Variants in ATP9A observed in about 807,000 individuals in gnomAD.
ATP9A encodes the protein ATPase phospholipid transporting 9A, also known as probable phospholipid-transporting ATPase IIA.
Under a neutral mutation model 144.1 loss-of-function variants are expected in ATP9A, and 52 were observed. The observed-to-expected ratio is 0.36, with a 90% CI of 0.29 to 0.45. ATP9A has a LOEUF of 0.45. ATP9A is among the 20% of genes least tolerant of loss of function. The probability of loss-of-function intolerance (pLI) is 1.00; values close to 1 mark genes in which losing one functional copy is unlikely to be tolerated. For missense variants in ATP9A, 947 were observed against 1,392.7 expected, an observed-to-expected ratio of 0.68 and a Z score of 5.09; for synonymous variants, 582 against 557.4, an observed-to-expected ratio of 1.04 and a Z score of -0.62.
intron 10 of ATP9A, among the ~76,000 whole-genome samples, chr20:51,674,699 T>G (rs1196323120): frequency 6.6e-6 from 1 of 152,230 alleles, no homozygotes; most frequent in African/African-American, 2.4e-5. Flanking sequence ...CTTGGCCTTG[T>G]AAAACAACTC....
intron 9 of ATP9A, among the ~76,000 whole-genome samples, chr20:51,688,332 T>C (rs2077532428): frequency 6.6e-6 from 1 of 152,084 alleles, no homozygotes; most frequent in African/African-American, 2.4e-5. Context: ...GTGGCTCACA[T>C]CTGTAATCCC....
At chr20:51,732,723 C>T (rs1398097917) in intron 1 of ATP9A, 1 of 152,118 alleles carries the variant, frequency 6.6e-6, no homozygotes, top group Non-Finnish European at 1.5e-5. Context: ...CTCGCCACTC[C>T]TGTTTCCAAG....
At chr20:51,645,920 G>A (rs1318987957) in intron 14 of ATP9A, among the ~76,000 whole-genome samples, 1 of 152,234 alleles carries the variant, frequency 6.6e-6, no homozygotes, top group African/African-American at 2.4e-5. Flanking sequence ...TCTCACTGCT[G>A]TTAACAGCCT....
At chr20:51,644,306 T>G (rs2077333067) in intron 14 of ATP9A, among the ~76,000 whole-genome samples, 1 of 125,166 alleles carries the variant, frequency 8.0e-6, no homozygotes, top group African/African-American at 3.1e-5. Context: ...GGAGTCTCAC[T>G]CTTTTGCCCA....
chr20:51,675,407 C>T (rs961115927), intron 10 of ATP9A, among the ~76,000 whole-genome samples: 3 of 152,158 alleles, frequency 2.0e-5, no homozygotes, highest in Non-Finnish European at 2.9e-5. Context: ...CGGTTTGAAT[C>T]ACATGGGCCT....
chr20:51,688,280 A>T (rs940021905), intron 9 of ATP9A, among the ~76,000 whole-genome samples: 6 of 152,182 alleles, frequency 3.9e-5, no homozygotes, highest in African/African-American at 1.4e-4. Context: ...AGTCCTGATC[A>T]GTGTCATCCC....
intron 9 of ATP9A, among the ~76,000 whole-genome samples, chr20:51,683,669 G>T (rs1361129169): frequency 6.6e-6 from 1 of 152,024 alleles, no homozygotes; most frequent in Non-Finnish European, 1.5e-5. Flanking sequence ...TCCTGCCTTG[G>T]TCTCCCAAAG....
At chr20:51,678,761 G>A (rs2077487811) in intron 9 of ATP9A, among the ~76,000 whole-genome samples, 1 of 152,222 alleles carries the variant, frequency 6.6e-6, no homozygotes, top group African/African-American at 2.4e-5. Context: ...CCAGTAACAA[G>A]GGGGACCCCA....
At chr20:51,625,397 G>A in intron 17 of ATP9A, 35 bp from the exon 18 acceptor site, 1 of 1,590,230 alleles carries the variant, frequency 6.3e-7, no homozygotes, top group Non-Finnish European at 8.6e-7. Context: ...CACTGCTTAG[G>A]GTGAGGAGAG....
At chr20:51,685,375 A>G (rs2077518653) in intron 9 of ATP9A, among the ~76,000 whole-genome samples, 1 of 152,138 alleles carries the variant, frequency 6.6e-6, no homozygotes, top group South Asian at 2.1e-4. Flanking sequence ...CCTGGACAAC[A>G]TGATGAAACC....
chr20:51,652,541 G>A (rs973427864), intron 14 of ATP9A, among the ~76,000 whole-genome samples: 1 of 152,156 alleles, frequency 6.6e-6, no homozygotes, highest in African/African-American at 2.4e-5. Flanking sequence ...AATCCTACAG[G>A]GACTTGGAAA....
chr20:51,740,924 T>G (rs1199070691), intron 1 of ATP9A, among the ~76,000 whole-genome samples: 1 of 152,066 alleles, frequency 6.6e-6, no homozygotes, highest in Non-Finnish European at 1.5e-5. Flanking sequence ...GCCTGCATTT[T>G]ATCATCCTGT....
chr20:51,752,662 A>G (rs1435467049), intron 1 of ATP9A, among the ~76,000 whole-genome samples: 1 of 152,176 alleles, frequency 6.6e-6, no homozygotes, highest in Non-Finnish European at 1.5e-5. Flanking sequence ...CTGTGGTATC[A>G]CACACAAAAC....
chr20:51,619,216 G>T (rs925273255), intron 19 of ATP9A, among the ~76,000 whole-genome samples, 173 bp from the exon 20 acceptor site: 1 of 152,168 alleles, frequency 6.6e-6, no homozygotes, highest in Non-Finnish European at 1.5e-5. Flanking sequence ...GACTCTGCAG[G>T]AATCAAGAGA....
At chr20:51,636,917 C>T (rs987246388) in intron 15 of ATP9A, among the ~76,000 whole-genome samples, 7 of 152,208 alleles carry the variant, frequency 4.6e-5, no homozygotes, top group Non-Finnish European at 1.0e-4. Flanking sequence ...TGGCAAAACC[C>T]CGTCTCTACT....
chr20:51,726,049 C>A, intron 2 of ATP9A, 117 bp from the exon 3 acceptor site: 1 of 692,956 alleles, frequency 1.4e-6, no homozygotes, highest in Non-Finnish European at 2.5e-6. Context: ...CGTGGTGGTT[C>A]ACGCCTATAA....
chr20:51,723,005 G>A (rs924192300), intron 3 of ATP9A, among the ~76,000 whole-genome samples: 1 of 152,066 alleles, frequency 6.6e-6, no homozygotes, highest in Non-Finnish European at 1.5e-5. Context: ...AGAGATTGAT[G>A]CCCATCAATC....
At chr20:51,739,197 A>G (rs1231458042) in intron 1 of ATP9A, among the ~76,000 whole-genome samples, 1 of 151,968 alleles carries the variant, frequency 6.6e-6, no homozygotes. Context: ...AAGCCCGCCA[A>G]CTTTCTTGCC....
intron 4 of ATP9A, among the ~76,000 whole-genome samples, chr20:51,711,116 A>T (rs1370973126): frequency 6.6e-6 from 1 of 152,186 alleles, no homozygotes; most frequent in Non-Finnish European, 1.5e-5. Context: ...TGCCTCTGCA[A>T]AGATTACACT....
Sources: gnomAD v4.1 joint callset for allele counts (sites outside exome capture counted in the v4.1 genomes callset) on GRCh38, gnomAD v4.1.1 for gene constraint, MANE v1.5 for transcripts, NCBI Gene and HGNC (gene_info 2026-07-23, HGNC 2026-07-21) for gene names.